SLC27A6: variants seen among roughly 807,000 people sequenced by gnomAD.
SLC27A6 encodes solute carrier family 27 member 6, also known as long-chain fatty acid transport protein 6.
SLC27A6 carries 74 observed loss-of-function variants against 63.9 expected under a neutral mutation model. The observed-to-expected ratio is 1.16, with a 90% CI of 0.96 to 1.40. The LOEUF (loss-of-function observed/expected upper bound fraction) is 1.40, where lower values mean the gene tolerates loss of function less well. SLC27A6 is among the 40% of genes most tolerant of loss of function. The pLI, the probability that SLC27A6 is intolerant of heterozygous loss-of-function variation, is 0.00. For missense variants in SLC27A6, 794 were observed against 732.9 expected, an observed-to-expected ratio of 1.08 and a Z score of -0.96; for synonymous variants, 287 against 260.8, an observed-to-expected ratio of 1.10 and a Z score of -0.97.
intron 6 of SLC27A6, among the ~76,000 whole-genome samples, chr5:129,026,516 CAT>C (rs1413555262): frequency 6.6e-6 from 1 of 152,068 alleles, no homozygotes; most frequent in African/African-American, 2.4e-5. Flanking sequence ...ATTATAATAA[CAT>C]GTGTGTTGGA....
chr5:129,002,598 G>T (rs971709269), intron 4 of SLC27A6, among the ~76,000 whole-genome samples: 4 of 136,706 alleles, frequency 2.9e-5, no homozygotes, highest in African/African-American at 1.1e-4. Flanking sequence ...TAAATGTGTT[G>T]TGAACACTTC....
chr5:128,985,871 T>C (rs1018298654), intron 2 of SLC27A6, among the ~76,000 whole-genome samples: 3 of 152,324 alleles, frequency 2.0e-5, no homozygotes, highest in South Asian at 2.1e-4. Flanking sequence ...CTGGCTCTCC[T>C]GATTTTGGTC....
At chr5:128,994,771 A>C (rs765022094) in intron 4 of SLC27A6, among the ~76,000 whole-genome samples, 13 of 152,224 alleles carry the variant, frequency 8.5e-5, no homozygotes, top group Non-Finnish European at 1.5e-4. Context: ...CAGAAGTCAG[A>C]ATGTGAGTTG....
intron 1 of SLC27A6, among the ~76,000 whole-genome samples, chr5:128,983,637 T>G (rs258004): frequency 0.66 from 100,507 of 151,970 alleles, 33,906 homozygotes; most frequent in East Asian, 0.88. Flanking sequence ...TTTTTTCTTT[T>G]TTGCCATTTA....
chr5:129,028,011 G>A (rs1159718080), intron 7 of SLC27A6, among the ~76,000 whole-genome samples: 1 of 151,930 alleles, frequency 6.6e-6, no homozygotes, highest in East Asian at 1.9e-4. Context: ...CTTAACACCA[G>A]AGAAAAGGAA....
At chr5:129,023,516 C>A in intron 5 of SLC27A6, 104 bp from the exon 6 acceptor site, 1 of 625,492 alleles carries the variant, frequency 1.6e-6, no homozygotes. Context: ...TTATTTATTT[C>A]AATTAGCATA....
At chr5:128,967,680 CA>C (rs2150124786) in intron 1 of SLC27A6, among the ~76,000 whole-genome samples, 1 of 152,260 alleles carries the variant, frequency 6.6e-6, no homozygotes, top group Admixed American at 6.5e-5. Context: ...GCTAGCCCTT[CA>C]AGGCTATCAC....
At chr5:128,996,441 C>A (rs1201677705) in intron 4 of SLC27A6, among the ~76,000 whole-genome samples, 2 of 152,110 alleles carry the variant, frequency 1.3e-5, no homozygotes, top group Non-Finnish European at 1.5e-5. Context: ...ACACTTGACT[C>A]CCATTATAAA....
chr5:129,010,416 A>G (rs780909937), intron 4 of SLC27A6, among the ~76,000 whole-genome samples: 2 of 152,224 alleles, frequency 1.3e-5, no homozygotes, highest in Non-Finnish European at 2.9e-5. Context: ...AGATGTGATT[A>G]CAGTTACAGA....
At chr5:128,991,890 G>A (rs970673247) in intron 4 of SLC27A6, among the ~76,000 whole-genome samples, 1 of 151,648 alleles carries the variant, frequency 6.6e-6, no homozygotes, top group Non-Finnish European at 1.5e-5. Context: ...GCCCTCAGAA[G>A]TTATTTTCTT....
Position 128,983,396 on chromosome 5 carries a change from G to A in SLC27A6, c.482-1737G>A, listed in dbSNP as rs540551101. On this transcript the variant is annotated intron_variant, in intron 1 of 9. Transcript: ENST00000262462. ...CCACCTCCGCCTCCTGGGTTCAAGCGATTCTCCTGCCTCAGCCTCCTGAGT... is the reference window on the plus strand; with the variant it reads ...CCACCTCCGCCTCCTGGGTTCAAGCAATTCTCCTGCCTCAGCCTCCTGAGT... Among the ~76,000 whole-genome samples the A allele has an allele frequency of 1.4e-5, 2 of 145,046 alleles. 1 individual carries two copies. Among genetic ancestry groups the A allele is most frequent in the South Asian group, 4.6e-4 (2 of 4,374 alleles).
chr5:129,002,086 G>A (rs771265988), intron 4 of SLC27A6, among the ~76,000 whole-genome samples: 5 of 152,130 alleles, frequency 3.3e-5, no homozygotes, highest in African/African-American at 4.8e-5. Context: ...CTGAAAGCTA[G>A]AGGGAAATAT....
At position 129,033,365 on chromosome 5, in the gene SLC27A6, G is replaced by GAGCT. The variant is rs1752471955; in HGVS notation, c.*85_*88dup. 1 of 756,320 alleles carries GAGCT rather than the reference G, an allele frequency of 1.3e-6. No homozygotes were observed. Among genetic ancestry groups the GAGCT allele is most frequent in the Admixed American group, 3.2e-5 (1 of 30,858 alleles). The allele number at this position is 756,320 out of a possible 1,614,324, so 46.9% of individuals were successfully genotyped here. On this transcript the variant is annotated 3_prime_UTR_variant, in exon 10 of 10. Coordinates refer to ENST00000262462, the MANE Select transcript of SLC27A6 (RefSeq NM_001017372.3). ...TGATTCTTTATGAAATGGGGAAAGG[G>GAGCT]AGCTAACATTAATTATGCATGTACT...
intron 4 of SLC27A6, among the ~76,000 whole-genome samples, chr5:129,006,111 C>G (rs1751523032): frequency 1.4e-5 from 1 of 71,388 alleles, no homozygotes; most frequent in Non-Finnish European, 2.3e-5. Context: ...CGGAGTCTCG[C>G]TGTGTTGCCC....
chr5:128,995,429 G>C (rs1251292173), intron 4 of SLC27A6, among the ~76,000 whole-genome samples: 1 of 152,102 alleles, frequency 6.6e-6, no homozygotes, highest in East Asian at 1.9e-4. Flanking sequence ...TTGATGAGGG[G>C]GAGAGAAAAT....
At chr5:128,995,857 A>G (rs1315505538) in intron 4 of SLC27A6, among the ~76,000 whole-genome samples, 2 of 152,142 alleles carry the variant, frequency 1.3e-5, no homozygotes, top group African/African-American at 4.8e-5. Flanking sequence ...AAATTAGACC[A>G]CTTTGGGATC....
chr5:128,975,800 T>C (rs201207465), intron 1 of SLC27A6, among the ~76,000 whole-genome samples: 1 of 152,132 alleles, frequency 6.6e-6, no homozygotes. Context: ...TTATTTTTGC[T>C]CCTGACAGTA....
Position 128,966,029 on chromosome 5 carries a change from G to T in SLC27A6, c.-109G>T. 2 of 1,305,966 alleles carry T rather than the reference G, an allele frequency of 1.5e-6. No individual in the cohort carries two copies. Among genetic ancestry groups the T allele is most frequent in the Non-Finnish European group, 2.0e-6 (2 of 977,674 alleles). The allele number at this position is 1,305,966 out of a possible 1,614,324, so 80.9% of individuals were successfully genotyped here. On this transcript the variant is annotated 5_prime_UTR_variant, in exon 1 of 10. Coordinates refer to ENST00000262462, the MANE Select transcript of SLC27A6 (RefSeq NM_001017372.3). ...GGAAAAGCTGACAAGAACTTCAGGT[G>T]TAAGCCCTGAGTAGTGAGGATCTGC...
chr5:129,019,003 A>G (rs1680885843), intron 5 of SLC27A6, among the ~76,000 whole-genome samples: 1 of 152,140 alleles, frequency 6.6e-6, no homozygotes, highest in South Asian at 2.1e-4. Flanking sequence ...AGGAGATTTG[A>G]TAAATGTCTG....
Sources: gnomAD v4.1 joint callset for allele counts (sites outside exome capture counted in the v4.1 genomes callset) on GRCh38, gnomAD v4.1.1 for gene constraint, MANE v1.5 for transcripts, NCBI Gene and HGNC (gene_info 2026-07-23, HGNC 2026-07-21) for gene names.